MARCHF1: variants seen among roughly 807,000 people sequenced by gnomAD.
MARCHF1 encodes the protein membrane associated ring-CH-type finger 1.
In MARCHF1, 40 loss-of-function variants were observed where a neutral mutation model predicts 54.2. The ratio of observed to expected loss-of-function variants is 0.74; its 90% CI spans 0.57 to 0.96. The LOEUF is 0.96. MARCHF1 is among the 40% of genes least tolerant of loss of function. The probability of loss-of-function intolerance (pLI) is 0.00; values close to 1 mark genes in which losing one functional copy is unlikely to be tolerated. For missense variants in MARCHF1, 586 were observed against 656.5 expected, an observed-to-expected ratio of 0.89 and a Z score of 1.17; for synonymous variants, 236 against 236.3, an observed-to-expected ratio of 1.00 and a Z score of 0.01.
intron 1 of MARCHF1, among the ~76,000 whole-genome samples, chr4:164,310,354 G>C (rs771338719): frequency 6.6e-6 from 1 of 152,134 alleles, no homozygotes; most frequent in Non-Finnish European, 1.5e-5. Context: ...GAGATTACAG[G>C]CGTGAGCCAC....
At chr4:164,364,771 C>G (rs1329915337) in intron 1 of MARCHF1, among the ~76,000 whole-genome samples, 1 of 151,558 alleles carries the variant, frequency 6.6e-6, no homozygotes, top group Non-Finnish European at 1.5e-5. Flanking sequence ...GTAGTTTAAC[C>G]CATTTGAGGT....
At chr4:163,845,467 A>G (rs1177724549) in intron 4 of MARCHF1, among the ~76,000 whole-genome samples, 2 of 119,966 alleles carry the variant, frequency 1.7e-5, no homozygotes, top group East Asian at 9.5e-4. Context: ...AGTTACACAC[A>G]CACACACACA....
At chr4:164,114,816 C>T (rs546476014) in intron 1 of MARCHF1, among the ~76,000 whole-genome samples, 1 of 147,252 alleles carries the variant, frequency 6.8e-6, no homozygotes, top group South Asian at 2.1e-4. Context: ...AAAAAAAAGG[C>T]AGAGGAAAAC....
chr4:163,754,265 G>A (rs1355708198), intron 4 of MARCHF1, among the ~76,000 whole-genome samples: 1 of 152,134 alleles, frequency 6.6e-6, no homozygotes, highest in African/African-American at 2.4e-5. Context: ...CACTCTTATT[G>A]GATTATATTT....
intron 2 of MARCHF1, among the ~76,000 whole-genome samples, chr4:164,089,077 A>G (rs1257392576): frequency 1.3e-5 from 2 of 152,156 alleles, no homozygotes; most frequent in Non-Finnish European, 2.9e-5. Flanking sequence ...ACAGTCACTT[A>G]AATTGTACTT....
chr4:164,049,415 C>T (rs1395102415), intron 2 of MARCHF1, among the ~76,000 whole-genome samples: 1 of 151,996 alleles, frequency 6.6e-6, no homozygotes, highest in African/African-American at 2.4e-5. Flanking sequence ...TTCATCTCAA[C>T]AATCTTGGGG....
At chr4:163,770,100 T>C (rs1185438322) in intron 4 of MARCHF1, among the ~76,000 whole-genome samples, 3 of 134,962 alleles carry the variant, frequency 2.2e-5, no homozygotes, top group African/African-American at 8.2e-5. Flanking sequence ...TTTAAGAATA[T>C]GGTATAAAAT....
At chr4:164,120,009 T>A (rs537341028) in intron 1 of MARCHF1, among the ~76,000 whole-genome samples, 2 of 152,004 alleles carry the variant, frequency 1.3e-5, no homozygotes, top group South Asian at 4.1e-4. Flanking sequence ...ATATAACAGA[T>A]AACTAAATTT....
intron 3 of MARCHF1, among the ~76,000 whole-genome samples, chr4:163,927,828 T>C (rs1429928163): frequency 2.0e-5 from 3 of 151,860 alleles, no homozygotes; most frequent in African/African-American, 7.2e-5. Context: ...AAAATTAGCA[T>C]ACCGTTTGAA....
chr4:163,667,348 A>G (rs1253413658), intron 5 of MARCHF1, among the ~76,000 whole-genome samples: 4 of 152,090 alleles, frequency 2.6e-5, no homozygotes, highest in Non-Finnish European at 4.4e-5. Context: ...TTAAATCACT[A>G]ACTACATTTG....
At chr4:163,792,699 T>C (rs549565595) in intron 4 of MARCHF1, among the ~76,000 whole-genome samples, 1 of 152,198 alleles carries the variant, frequency 6.6e-6, no homozygotes, top group African/African-American at 2.4e-5. Flanking sequence ...TAATTTTCTA[T>C]ATATGGAAAT....
chr4:163,616,644 A>ATGTGCTGG (rs1741520201), intron 5 of MARCHF1, among the ~76,000 whole-genome samples: 1 of 151,952 alleles, frequency 6.6e-6, no homozygotes, highest in Non-Finnish European at 1.5e-5. Flanking sequence ...ACTTGGGAGG[A>ATGTGCTGG]TGTGCTGGAG....
At chr4:164,261,695 G>A (rs893301975) in intron 1 of MARCHF1, among the ~76,000 whole-genome samples, 2 of 152,018 alleles carry the variant, frequency 1.3e-5, no homozygotes, top group Admixed American at 1.3e-4. Context: ...TTAAGTATTT[G>A]GTCTCAGTTC....
chr4:164,125,955 G>A (rs1310291610), intron 1 of MARCHF1, among the ~76,000 whole-genome samples: 1 of 152,184 alleles, frequency 6.6e-6, no homozygotes, highest in African/African-American at 2.4e-5. Flanking sequence ...CCACGGGACT[G>A]GTCCCTGGTG....
chr4:163,685,273 G>A (rs1744230636), intron 5 of MARCHF1, among the ~76,000 whole-genome samples: 1 of 151,988 alleles, frequency 6.6e-6, no homozygotes, highest in African/African-American at 2.4e-5. Context: ...AAGACTTAAT[G>A]TAGTGAAATG....
intron 1 of MARCHF1, among the ~76,000 whole-genome samples, chr4:164,213,159 A>C (rs1456224586): frequency 1.3e-5 from 2 of 151,012 alleles, no homozygotes; most frequent in Non-Finnish European, 3.0e-5. Flanking sequence ...TTCTTAGATA[A>C]ATTTTCAATA....
At chr4:163,646,252 A>C (rs1327450332) in intron 5 of MARCHF1, among the ~76,000 whole-genome samples, 1 of 149,290 alleles carries the variant, frequency 6.7e-6, no homozygotes, top group Non-Finnish European at 1.5e-5. Flanking sequence ...ATTAAAAAAA[A>C]CCCAGAAACC....
intron 5 of MARCHF1, among the ~76,000 whole-genome samples, chr4:163,661,532 C>CT (rs1422155690): frequency 2.6e-5 from 4 of 151,644 alleles, no homozygotes; most frequent in African/African-American, 9.7e-5. Context: ...AGATGCTTTT[C>CT]TTTTTTTCAA....
chr4:164,100,815 G>A (rs888738102), intron 2 of MARCHF1, among the ~76,000 whole-genome samples: 2 of 152,214 alleles, frequency 1.3e-5, no homozygotes, highest in African/African-American at 4.8e-5. Flanking sequence ...GAGCTACGCA[G>A]AAGACAGGTG....
Sources: gnomAD v4.1 joint callset for allele counts (sites outside exome capture counted in the v4.1 genomes callset) on GRCh38, gnomAD v4.1.1 for gene constraint, MANE v1.5 for transcripts, NCBI Gene and HGNC (gene_info 2026-07-23, HGNC 2026-07-21) for gene names.